Variants in KCNH8 observed in about 807,000 individuals in gnomAD.
The protein encoded by KCNH8 is voltage-gated delayed rectifier potassium channel KCNH8.
KCNH8 carries 70 observed loss-of-function variants against 103.6 expected under a neutral mutation model. The observed-to-expected ratio is 0.68, with a 90% CI of 0.56 to 0.82. The LOEUF (loss-of-function observed/expected upper bound fraction) is 0.82, where lower values mean the gene tolerates loss of function less well. Among genes scored for constraint, KCNH8 ranks in the 40% least tolerant of loss-of-function variants. The pLI is 0.00. For synonymous variants in KCNH8, 498 were observed against 489.4 expected (o/e 1.02, Z -0.23); for missense variants, 1,217 against 1,329.9 (o/e 0.92, Z 1.32).
chr3:19,367,172 A>C (rs1008413609), intron 5 of KCNH8, among the ~76,000 whole-genome samples: 3 of 151,886 alleles, frequency 2.0e-5, no homozygotes, highest in African/African-American at 7.3e-5. Flanking sequence ...ACTCCCAGAA[A>C]ATAAAAATGG....
intron 5 of KCNH8, among the ~76,000 whole-genome samples, chr3:19,361,714 G>A (rs1481886975): frequency 2.0e-5 from 3 of 152,036 alleles, no homozygotes; most frequent in Non-Finnish European, 2.9e-5. Flanking sequence ...TTTCTTATAA[G>A]CATATATACA....
At chr3:19,268,237 A>G (rs527986963) in intron 2 of KCNH8, among the ~76,000 whole-genome samples, 5 of 152,238 alleles carry the variant, frequency 3.3e-5, no homozygotes, top group African/African-American at 7.2e-5. Context: ...GCAGGCTCCT[A>G]TGGTAGAGAA....
chr3:19,461,814 C>T (rs1031536716), intron 11 of KCNH8, among the ~76,000 whole-genome samples: 1 of 152,110 alleles, frequency 6.6e-6, no homozygotes, highest in African/African-American at 2.4e-5. Flanking sequence ...CATCCCTCCC[C>T]CTCCCAACCA....
At chr3:19,321,923 A>G (rs967448229) in intron 3 of KCNH8, among the ~76,000 whole-genome samples, 1 of 152,104 alleles carries the variant, frequency 6.6e-6, no homozygotes, top group African/African-American at 2.4e-5. Flanking sequence ...TCCTTTTATC[A>G]TTATATAATG....
intron 3 of KCNH8, among the ~76,000 whole-genome samples, chr3:19,320,642 T>A (rs995698267): frequency 1.3e-5 from 2 of 151,912 alleles, no homozygotes; most frequent in African/African-American, 4.8e-5. Flanking sequence ...ATAGCTTTCT[T>A]TTTTTGTTAT....
intron 1 of KCNH8, among the ~76,000 whole-genome samples, chr3:19,246,274 G>GTTTTTTTTTTTTT (rs920423108): frequency 1.2e-5 from 1 of 86,350 alleles, no homozygotes; most frequent in Non-Finnish European, 2.2e-5. Context: ...TGTTGTTGTT[G>GTTTTTTTTTTTTT]TTTTTTTTTT....
intron 11 of KCNH8, among the ~76,000 whole-genome samples, chr3:19,494,567 C>T (rs894519535): frequency 2.6e-5 from 4 of 152,096 alleles, no homozygotes; most frequent in African/African-American, 9.7e-5. Flanking sequence ...TCTTTATCAA[C>T]AGCATGAAAA....
chr3:19,337,768 TCTC>T (rs1174974176), intron 3 of KCNH8, among the ~76,000 whole-genome samples: 19 of 152,092 alleles, frequency 1.2e-4, no homozygotes, highest in African/African-American at 3.9e-4. Flanking sequence ...TCCTGAGTAA[TCTC>T]CTATCAACTT....
At position 19,188,402 on chromosome 3, in the gene KCNH8, C is replaced by T. The variant is rs551272465; in HGVS notation, c.76+39607C>T. Among the ~76,000 whole-genome samples, 9 of 152,036 alleles carry T rather than the reference C, an allele frequency of 5.9e-5. No homozygotes were observed. The East Asian group carries it at 7.8e-4, about 13-fold the overall frequency. ...TAACCATGCAACTCGGCAGTTGTAG[C>T]GTGAAAGCAACCATAGACAATATGT... On this transcript the variant is annotated intron_variant, in intron 1 of 15. Transcript: ENST00000328405.
intron 1 of KCNH8, among the ~76,000 whole-genome samples, chr3:19,247,564 A>G (rs1333590181): frequency 2.0e-5 from 3 of 152,232 alleles, no homozygotes; most frequent in African/African-American, 7.2e-5. Context: ...TCTGTGCAGG[A>G]AAGTGAAGGA....
intron 1 of KCNH8, among the ~76,000 whole-genome samples, chr3:19,206,236 A>ATATATACCAC (rs1229350212): frequency 1.4e-5 from 2 of 147,848 alleles, no homozygotes; most frequent in African/African-American, 5.0e-5. Flanking sequence ...ATATATATAT[A>ATATATACCAC]ACTGATTGAT....
At chr3:19,180,017 T>A (rs2063435742) in intron 1 of KCNH8, among the ~76,000 whole-genome samples, 1 of 152,154 alleles carries the variant, frequency 6.6e-6, no homozygotes, top group African/African-American at 2.4e-5. Flanking sequence ...ACTGAGAAGC[T>A]TTTGTACCAA....
chr3:19,243,427 G>A (rs2064166820), intron 1 of KCNH8, among the ~76,000 whole-genome samples: 1 of 152,158 alleles, frequency 6.6e-6, no homozygotes, highest in South Asian at 2.1e-4. Context: ...AATTAGTTTA[G>A]TCTTATGTTT....
At chr3:19,369,821 C>T (rs893282924) in intron 5 of KCNH8, among the ~76,000 whole-genome samples, 1 of 151,946 alleles carries the variant, frequency 6.6e-6, no homozygotes, top group Admixed American at 6.6e-5. Context: ...ACCTCCTAAC[C>T]ACCTATTTTT....
At chr3:19,340,355 TAA>T (rs1220230807) in intron 3 of KCNH8, among the ~76,000 whole-genome samples, 80 of 107,124 alleles carry the variant, frequency 7.5e-4, no homozygotes, top group African/African-American at 1.3e-3. Context: ...ATTTTTTTTT[TAA>T]TTTTTTTTTT....
intron 3 of KCNH8, among the ~76,000 whole-genome samples, chr3:19,332,350 C>G (rs1229813027): frequency 2.0e-5 from 3 of 152,146 alleles, no homozygotes; most frequent in Admixed American, 2.0e-4. Context: ...AATGTGTAAC[C>G]TCTTGAGATT....
intron 1 of KCNH8, among the ~76,000 whole-genome samples, chr3:19,151,980 T>A (rs1326919830): frequency 2.6e-5 from 4 of 152,124 alleles, no homozygotes; most frequent in African/African-American, 9.7e-5. Context: ...TAAATACGTA[T>A]ACCCCACTTA....
intron 1 of KCNH8, among the ~76,000 whole-genome samples, chr3:19,222,284 A>T (rs187524798): frequency 1.3e-5 from 2 of 152,078 alleles, no homozygotes; most frequent in Admixed American, 6.6e-5. Context: ...CATAAAACAT[A>T]TTTTTTTTCC....
At chr3:19,228,000 C>A (rs1193447647) in intron 1 of KCNH8, among the ~76,000 whole-genome samples, 1 of 152,094 alleles carries the variant, frequency 6.6e-6, no homozygotes, top group East Asian at 1.9e-4. Flanking sequence ...TATAGGTTAT[C>A]ATTCCTACTT....
Sources: allele counts gnomAD v4.1 joint callset (sites outside exome capture counted in the v4.1 genomes callset), GRCh38; gene constraint gnomAD v4.1.1; transcripts MANE v1.5; gene names NCBI Gene and HGNC (gene_info 2026-07-23, HGNC 2026-07-21).